Variants in KHDRBS2 observed in about 807,000 individuals in gnomAD.
KHDRBS2 encodes KH RNA binding domain containing, signal transduction associated 2, also known as KH domain-containing, RNA-binding, signal transduction-associated protein 2.
A neutral mutation model predicts 44.3 loss-of-function variants in KHDRBS2; 26 were observed. That is an observed-to-expected ratio of 0.59 (90% CI 0.43 to 0.81). KHDRBS2 has a LOEUF of 0.81. KHDRBS2 is among the 40% of genes least tolerant of loss of function. KHDRBS2 has a pLI of 0.00. For synonymous variants in KHDRBS2, 194 were observed against 151.1 expected (o/e 1.28, Z -2.08); for missense variants, 476 against 433.1 (o/e 1.10, Z -0.88).
At chr6:61,912,986 C>A (rs1215572209) in intron 4 of KHDRBS2, among the ~76,000 whole-genome samples, 1 of 152,084 alleles carries the variant, frequency 6.6e-6, no homozygotes, top group Non-Finnish European at 1.5e-5. Context: ...ACCATTAAGC[C>A]AAACTGCTAA....
chr6:61,865,584 A>G (rs1448632508), intron 6 of KHDRBS2, among the ~76,000 whole-genome samples: 1 of 152,130 alleles, frequency 6.6e-6, no homozygotes, highest in Non-Finnish European at 1.5e-5. Flanking sequence ...TCAAGATGGC[A>G]TCTGGGTGGG....
At chr6:62,157,721 T>G (rs1816769343) in intron 2 of KHDRBS2, among the ~76,000 whole-genome samples, 1 of 152,190 alleles carries the variant, frequency 6.6e-6, no homozygotes, top group Admixed American at 6.5e-5. Context: ...TTTATGACAC[T>G]TCACAAATAT....
At chr6:62,121,373 T>C (rs574134003) in intron 2 of KHDRBS2, among the ~76,000 whole-genome samples, 6 of 152,350 alleles carry the variant, frequency 3.9e-5, no homozygotes, top group African/African-American at 1.4e-4. Flanking sequence ...ACCACATCCC[T>C]GTTCGACTCT....
rs553504866 is a variant in KHDRBS2, at chr6:62,030,697, T to C, written c.336+17181A>G. Among the ~76,000 whole-genome samples, 19 of 152,188 alleles carry C rather than the reference T, an allele frequency of 1.2e-4. No individual in the cohort carries two copies. The East Asian group carries it at 3.5e-3, about 28-fold the overall frequency. On this transcript the variant is annotated intron_variant, in intron 3 of 8. Coordinates refer to ENST00000281156, the MANE Select transcript of KHDRBS2 (RefSeq NM_152688.4). Reference sequence around the variant, plus strand: ...GCCGAAACATTAGTACTTTCTAACTTTCTAAAAAATTCATAGTCTTGTGAT... The same window carrying C: ...GCCGAAACATTAGTACTTTCTAACTCTCTAAAAAATTCATAGTCTTGTGAT...
Position 61,732,734 on chromosome 6 carries a change from C to T in KHDRBS2, c.841G>A (p.Asp281Asn), listed in dbSNP as rs570606503. Reference protein sequence around the residue: ...GYDDGYGGEYDDQTYETYDNS... With the variant: ...GYDDGYGGEYNDQTYETYDNS... The stretch of plus-strand genomic sequence containing the variant: ...TCATAAGTCTCATAGGTCTGGTCAT[C>T]ATATTCACCCCCGTAGCCATCATCA... The change falls in exon 7 of 9, where the codon GAT becomes AAT. Residue 281 changes from aspartate to asparagine, a missense_variant. Transcript: ENST00000281156. 1.2e-6 allele frequency: 2 copies of T among 1,610,918 alleles called. No homozygotes were observed. Among genetic ancestry groups the T allele is most frequent in the Admixed American group, 1.7e-5 (1 of 59,988 alleles).
chr6:61,671,579 C>T, the KHDRBS2 span, among the ~76,000 whole-genome samples: 1 of 151,690 alleles, frequency 6.6e-6, no homozygotes, highest in Non-Finnish European at 1.5e-5. Context: ...CATAAAGAGA[C>T]TAAGAAACTA....
intron 8 of KHDRBS2, among the ~76,000 whole-genome samples, chr6:61,689,512 C>T (rs1656551553): frequency 6.6e-6 from 1 of 151,838 alleles, no homozygotes; most frequent in Non-Finnish European, 1.5e-5. Context: ...CTATGGGCAT[C>T]CCCTTTGTCT....
At chr6:62,217,876 T>C (rs1830281242) in intron 1 of KHDRBS2, among the ~76,000 whole-genome samples, 2 of 151,804 alleles carry the variant, frequency 1.3e-5, no homozygotes. Flanking sequence ...AGGGCAGAGA[T>C]TCTGTTTTCA....
chr6:61,993,673 ATTTTTTTTTTTTGATGTGAGCT>A (rs1776600356), intron 3 of KHDRBS2, among the ~76,000 whole-genome samples: 2 of 115,684 alleles, frequency 1.7e-5, no homozygotes, highest in Admixed American at 1.0e-4. Flanking sequence ...ATATATATAT[ATTTTTTTTTTTTGATGTGAGCT>A]TATATATTTA....
At chr6:61,638,430 G>T in the KHDRBS2 span, among the ~76,000 whole-genome samples, 4 of 152,068 alleles carry the variant, frequency 2.6e-5, no homozygotes, top group Non-Finnish European at 5.9e-5. Context: ...TTAATAAATG[G>T]TGCTGGGAAA....
chr6:61,656,998 G>A, the KHDRBS2 span, among the ~76,000 whole-genome samples: 20 of 152,068 alleles, frequency 1.3e-4, no homozygotes, highest in African/African-American at 4.6e-4. Flanking sequence ...TGTCTAGGGT[G>A]AAGCAATCAC....
At chr6:61,746,322 G>A (rs889421809) in intron 6 of KHDRBS2, among the ~76,000 whole-genome samples, 9 of 151,990 alleles carry the variant, frequency 5.9e-5, no homozygotes, top group Admixed American at 1.3e-4. Flanking sequence ...CCCCATCCCC[G>A]ACAGGCCACT....
chr6:61,690,241 C>T (rs1767249700), intron 8 of KHDRBS2, among the ~76,000 whole-genome samples: 1 of 151,732 alleles, frequency 6.6e-6, no homozygotes, highest in African/African-American at 2.4e-5. Context: ...AAATTTTTCA[C>T]CATGTTCATA....
chr6:61,932,729 T>C (rs1374054490), intron 4 of KHDRBS2, among the ~76,000 whole-genome samples: 4 of 151,718 alleles, frequency 2.6e-5, no homozygotes, highest in Non-Finnish European at 5.9e-5. Context: ...GGAGGCGGAG[T>C]TTGCAGTGAG....
chr6:61,659,627 C>G, the KHDRBS2 span, among the ~76,000 whole-genome samples: 2 of 151,730 alleles, frequency 1.3e-5, no homozygotes, highest in Non-Finnish European at 2.9e-5. Context: ...TAGTTCACTT[C>G]GGTGTTCTTT....
chr6:61,815,349 T>G lies in KHDRBS2; in HGVS notation c.810+79286A>C, dbSNP rs372371446. Among the ~76,000 whole-genome samples the G allele has an allele frequency of 4.6e-5, 7 of 152,288 alleles. No individual in the cohort carries two copies. In the South Asian group the frequency reaches 1.0e-3, roughly 23 times the overall value. ...TATTTCTGAAATTTTCCATTTAATATTCTCAGACCATGGTTGACAGCAGGA... is the reference window on the plus strand; with the variant it reads ...TATTTCTGAAATTTTCCATTTAATAGTCTCAGACCATGGTTGACAGCAGGA... On this transcript the variant is annotated intron_variant, in intron 6 of 8. Coordinates refer to ENST00000281156, the MANE Select transcript of KHDRBS2 (RefSeq NM_152688.4).
At chr6:62,213,360 T>A (rs920934132) in intron 1 of KHDRBS2, among the ~76,000 whole-genome samples, 1 of 151,512 alleles carries the variant, frequency 6.6e-6, no homozygotes, top group African/African-American at 2.4e-5. Flanking sequence ...AAAAAAAAAA[T>A]TCTGAGAATA....
intron 3 of KHDRBS2, among the ~76,000 whole-genome samples, chr6:62,005,639 G>C (rs1470993864): frequency 6.6e-6 from 1 of 151,110 alleles, no homozygotes; most frequent in African/African-American, 2.4e-5. Flanking sequence ...TTGCAAGTGA[G>C]TATGAAAAAA....
chr6:61,888,749 G>C (rs1801354535), intron 6 of KHDRBS2, among the ~76,000 whole-genome samples: 1 of 151,874 alleles, frequency 6.6e-6, no homozygotes, highest in African/African-American at 2.4e-5. Context: ...TTTTAGTAGA[G>C]ATGGGGTTTC....
Sources: gnomAD v4.1 joint callset for allele counts (sites outside exome capture counted in the v4.1 genomes callset) on GRCh38, gnomAD v4.1.1 for gene constraint, MANE v1.5 for transcripts, NCBI Gene and HGNC (gene_info 2026-07-23, HGNC 2026-07-21) for gene names.